Variants in GPR21 observed in about 807,000 individuals in gnomAD.
The protein encoded by GPR21 is G protein-coupled receptor 21.
A neutral mutation model predicts 21.5 loss-of-function variants in GPR21; 9 were observed. The ratio of observed to expected loss-of-function variants is 0.42; its 90% CI spans 0.25 to 0.73. The LOEUF (loss-of-function observed/expected upper bound fraction) is 0.73, where lower values mean the gene tolerates loss of function less well. Among genes scored for constraint, GPR21 ranks in the 30% least tolerant of loss-of-function variants. The pLI is 0.27. For missense variants in GPR21, 416 were observed against 428.9 expected, an observed-to-expected ratio of 0.97 and a Z score of 0.27; for synonymous variants, 169 against 159.3, an observed-to-expected ratio of 1.06 and a Z score of -0.46.
At chr9:123,047,919 G>GTTTTTTTTTTTT in the GPR21 span, among the ~76,000 whole-genome samples, 15 of 62,252 alleles carry the variant, frequency 2.4e-4, 2 homozygotes, top group Non-Finnish European at 3.6e-4. Flanking sequence ...CAGCTGCTGG[G>GTTTTTTTTTTTT]TTTTTTTTTT....
At chr9:123,048,417 C>T in the GPR21 span, among the ~76,000 whole-genome samples, 3 of 152,132 alleles carry the variant, frequency 2.0e-5, no homozygotes, top group South Asian at 6.2e-4. Context: ...ATAACTTGAG[C>T]AATATGAGAC....
the GPR21 span, among the ~76,000 whole-genome samples, chr9:123,046,079 C>T: frequency 4.6e-5 from 7 of 152,130 alleles, no homozygotes; most frequent in Non-Finnish European, 8.8e-5. Context: ...TTAAGTACTG[C>T]CTTGATAGTT....
At chr9:123,043,221 C>T in the GPR21 span, among the ~76,000 whole-genome samples, 1 of 152,086 alleles carries the variant, frequency 6.6e-6, no homozygotes, top group Non-Finnish European at 1.5e-5. Flanking sequence ...ATACAGAATC[C>T]AGGAAACAGG....
At chr9:123,038,369 A>G (rs910645657), downstream of GPR21, among the ~76,000 whole-genome samples, 1 of 151,642 alleles carries the variant, frequency 6.6e-6, no homozygotes, top group Admixed American at 6.6e-5. Flanking sequence ...GAAAACTTGA[A>G]TTTTTTTTTA....
Position 123,034,734 on chromosome 9 carries a change from A to G in GPR21, c.168A>G (p.Ala56=). The change falls in exon 2 of 2, where the codon GCA becomes GCG. Residue 56 remains alanine (A), a synonymous_variant. Coordinates refer to ENST00000616002, the MANE Select transcript of GPR21 (RefSeq NM_005294.3). The part of the protein sequence containing the change: ...NIIVIFVFHC[A]PLLNHHTTSY... ...TTGTGATTTTTGTATTTCACTGTGC[A>G]CCTTTGTTGAACCATCACACTACAA... The G allele has an allele frequency of 3.1e-6, 5 of 1,613,884 alleles. No individual in the cohort carries two copies. The highest frequency in any genetic ancestry group is 4.2e-6 in the Non-Finnish European group (5 of 1,179,792).
the GPR21 span, among the ~76,000 whole-genome samples, chr9:123,046,045 C>T: frequency 6.6e-6 from 1 of 152,192 alleles, no homozygotes; most frequent in Non-Finnish European, 1.5e-5. Flanking sequence ...GGTGTGCTTC[C>T]TTCTCTCAGG....
At chr9:123,040,278 G>A (rs1334781776), downstream of GPR21, among the ~76,000 whole-genome samples, 3 of 152,180 alleles carry the variant, frequency 2.0e-5, no homozygotes, top group Non-Finnish European at 4.4e-5. Flanking sequence ...TGATGCTGGT[G>A]TATAAAATCA....
At chr9:123,047,251 G>C in the GPR21 span, among the ~76,000 whole-genome samples, 3 of 152,278 alleles carry the variant, frequency 2.0e-5, no homozygotes, top group South Asian at 6.2e-4. Context: ...AGAAATGTTT[G>C]TTCGAGGAGG....
At chr9:123,044,065 T>A in the GPR21 span, among the ~76,000 whole-genome samples, 4 of 151,952 alleles carry the variant, frequency 2.6e-5, no homozygotes, top group African/African-American at 9.6e-5. Flanking sequence ...CATGCATGGC[T>A]AGTTTTTTTT....
downstream of GPR21, among the ~76,000 whole-genome samples, chr9:123,039,967 G>T (rs1042569694): frequency 2.6e-5 from 4 of 151,862 alleles, no homozygotes; most frequent in Admixed American, 6.6e-5. Context: ...ACTGCCATAG[G>T]GTATGGAAAA....
rs1019988249 is a variant in GPR21 at position 123,034,256 on chromosome 9, G to A, written c.-311G>A. 1 of 399,620 alleles carries A rather than the reference G, an allele frequency of 2.5e-6. No individual in the cohort carries two copies. The highest frequency in any genetic ancestry group is 2.1e-5 in the African/African-American group (1 of 48,680). The allele number at this position is 399,620 out of a possible 1,614,324, so 24.8% of individuals were successfully genotyped here. ...CTACCCTTTCCCCCTACCCTCACTT[G>A]GCCTGAAGACGTTCTCCCCAGAGTT... On this transcript the variant is annotated 5_prime_UTR_variant, in exon 2 of 2. Transcript: ENST00000616002.
Position 123,035,436 on chromosome 9 carries a change from C to G in GPR21, c.870C>G (p.Thr290=). ...ACCGCTTCGCATCCTTCTTGACCAC[C>G]TGGCTTGCTATTAGTAACAGTTTCT... is the stretch of plus-strand genomic sequence containing the variant. ...HSNRFASFLT[T]WLAISNSFCN... The change falls in exon 2 of 2, where the codon ACC becomes ACG. Residue 290 remains threonine (T), a synonymous_variant. Transcript: ENST00000616002. 1 of 1,614,182 alleles carries G rather than the reference C, an allele frequency of 6.2e-7. No individual in the cohort carries two copies. Among genetic ancestry groups the G allele is most frequent in the Non-Finnish European group, 8.5e-7 (1 of 1,180,020 alleles).
At chr9:123,048,005 C>G in the GPR21 span, among the ~76,000 whole-genome samples, 2 of 133,992 alleles carry the variant, frequency 1.5e-5, no homozygotes. Context: ...ATGGCGCGAT[C>G]TCGGCCCACT....
the GPR21 span, among the ~76,000 whole-genome samples, chr9:123,045,309 G>C: frequency 5.5e-4 from 83 of 152,242 alleles, no homozygotes; most frequent in Middle Eastern, 3.4e-3. Flanking sequence ...TTAGCTAGAC[G>C]AAAAAATAAA....
In GPR21 at chr9:123,035,244, C is replaced by T. The variant is rs776720363; in HGVS notation, c.678C>T (p.Ser226=). ...RICQQHTKDI[S]ERQARFSSQS... ...GCCAACAGCACACAAAGGATATCAG[C>T]GAAAGGCAAGCCCGCTTCAGCAGCC... is the stretch of plus-strand genomic sequence containing the variant. The change falls in exon 2 of 2, where the codon AGC becomes AGT. Residue 226 remains serine (S), a synonymous_variant. Transcript: ENST00000616002. The T allele has an allele frequency of 5.0e-6, 8 of 1,614,160 alleles. No homozygotes were observed. In the East Asian group the frequency reaches 6.7e-5, roughly 13 times the overall value.
chr9:123,040,174 A>G (rs2032882889), downstream of GPR21, among the ~76,000 whole-genome samples: 1 of 152,150 alleles, frequency 6.6e-6, no homozygotes. Context: ...GTCTTCCAGG[A>G]AGCCTCACTG....
Position 123,034,522 on chromosome 9 carries a change from C to T in GPR21, c.-45C>T, listed in dbSNP as rs2032500988. On this transcript the variant is annotated 5_prime_UTR_variant, in exon 2 of 2. An upstream open reading frame in the 5' UTR gains an earlier in-frame stop. Coordinates refer to ENST00000616002, the MANE Select transcript of GPR21 (RefSeq NM_005294.3). The stretch of plus-strand genomic sequence containing the variant: ...AGCTGCTTCTTTGAACTGTTGGCAG[C>T]AGCCAAGCGGCAGCATGAAGTGACA... 5 of 1,255,920 alleles carry T rather than the reference C, an allele frequency of 4.0e-6. No individual in the cohort carries two copies. Among genetic ancestry groups the T allele is most frequent in the Non-Finnish European group, 5.6e-6 (5 of 888,654 alleles). The allele number at this position is 1,255,920 out of a possible 1,614,324, so 77.8% of individuals were successfully genotyped here. A position where few individuals can be genotyped will look rare whatever the true frequency, so the allele number is the denominator to read the frequency against.
At chr9:123,039,404 A>T (rs1400487719), downstream of GPR21, among the ~76,000 whole-genome samples, 1 of 152,144 alleles carries the variant, frequency 6.6e-6, no homozygotes, top group Non-Finnish European at 1.5e-5. Flanking sequence ...TCAGAGCAGA[A>T]GTTTTAGTAA....
Position 123,035,280 on chromosome 9 carries a change from G to T in GPR21, c.714G>T (p.Glu238Asp), listed in dbSNP as rs751500445. The change falls in exon 2 of 2, where the codon GAG (glutamate) becomes GAT (aspartate). Residue 238 changes from glutamate (E) to aspartate (D), a missense_variant. Transcript: ENST00000616002. ...CCCGCTTCAGCAGCCAGAGTGGGGA[G>T]ACTGGGGAAGTGCAGGCCTGTCCTG... ...RQARFSSQSG[E>D]TGEVQACPDK... 1.2e-6 allele frequency: 2 copies of T among 1,614,178 alleles called. No individual in the cohort carries two copies. The highest frequency in any genetic ancestry group is 1.1e-5 in the South Asian group (1 of 91,080).
Sources: allele counts gnomAD v4.1 joint callset (sites outside exome capture counted in the v4.1 genomes callset), GRCh38; gene constraint gnomAD v4.1.1; transcripts MANE v1.5; gene names NCBI Gene and HGNC (gene_info 2026-07-23, HGNC 2026-07-21).